EYA3: variants seen among roughly 807,000 people sequenced by gnomAD.
EYA3 encodes the protein protein phosphatase EYA3.
EYA3 carries 39 observed loss-of-function variants against 80.0 expected under a neutral mutation model. The observed-to-expected ratio is 0.49, with a 90% CI of 0.38 to 0.64. EYA3 has a LOEUF of 0.64. Among genes scored for constraint, EYA3 ranks in the 30% least tolerant of loss-of-function variants. The pLI, the probability that EYA3 is intolerant of heterozygous loss-of-function variation, is 0.00. For missense variants in EYA3, 523 were observed against 676.1 expected (o/e 0.77, Z 2.51); for synonymous variants, 206 against 232.8 (o/e 0.88, Z 1.05).
At position 28,013,020 on chromosome 1, in the gene EYA3, A is replaced by C; in HGVS notation, c.769+91T>G. Reference sequence around the variant, plus strand: ...GCCAAAAGCATGGTAACAATGACTTAAGACAGAACAAAATCATCCTTACCA... The same window carrying C: ...GCCAAAAGCATGGTAACAATGACTTCAGACAGAACAAAATCATCCTTACCA... On this transcript the variant is annotated intron_variant, in intron 9 of 17. Coordinates refer to ENST00000373871, the MANE Select transcript of EYA3 (RefSeq NM_001990.4). The surrounding 1 kb of genome is among the most constrained non-coding windows in gnomAD (Gnocchi z 4.0). 3 of 1,373,832 alleles carry C rather than the reference A, an allele frequency of 2.2e-6. No homozygotes were observed. Among genetic ancestry groups the C allele is most frequent in the African/African-American group, 1.4e-5 (1 of 69,574 alleles). 85.1% of individuals were successfully genotyped at this position (1,373,832 alleles called of 1,614,324 possible). A position where few individuals can be genotyped will look rare whatever the true frequency, so the allele number is the denominator to read the frequency against.
At chr1:28,039,039 A>G in intron 4 of EYA3, 134 bp from the exon 5 acceptor site, 1 of 489,786 alleles carries the variant, frequency 2.0e-6, no homozygotes, top group African/African-American at 2.0e-5. Context: ...TAGAAAGACT[A>G]TGTGGTAGAA....
At chr1:27,988,418 G>A in intron 16 of EYA3, 117 bp downstream of exon 16, 1 of 1,131,380 alleles carries the variant, frequency 8.8e-7, no homozygotes, top group Non-Finnish European at 1.2e-6. Context: ...ACTGTTGTGA[G>A]GACTGTAGGT....
intron 1 of EYA3, among the ~76,000 whole-genome samples, chr1:28,059,715 A>ATTTTTTTT (rs1224157714): frequency 8.8e-6 from 1 of 113,614 alleles, no homozygotes. Context: ...CATTTGTTGG[A>ATTTTTTTT]TTTTTTTTTT....
intron 1 of EYA3, among the ~76,000 whole-genome samples, chr1:28,070,501 G>A (rs1397902204): frequency 6.6e-6 from 1 of 152,122 alleles, no homozygotes; most frequent in Admixed American, 6.5e-5. Flanking sequence ...GGCAGAGGTT[G>A]CAGCAAGCCG....
intron 1 of EYA3, among the ~76,000 whole-genome samples, chr1:28,079,963 A>G (rs1645362339): frequency 6.6e-6 from 1 of 152,024 alleles, no homozygotes; most frequent in South Asian, 2.1e-4. Flanking sequence ...CAAAAAGACA[A>G]TATTAGGGGA....
intron 1 of EYA3, among the ~76,000 whole-genome samples, chr1:28,087,372 A>T (rs1645693535): frequency 6.6e-6 from 1 of 152,228 alleles, no homozygotes; most frequent in South Asian, 2.1e-4. Flanking sequence ...AGTTAGAAGA[A>T]TATTCTAAGT....
At chr1:28,007,614 G>A (rs1641385483) in intron 10 of EYA3, among the ~76,000 whole-genome samples, 1 of 152,010 alleles carries the variant, frequency 6.6e-6, no homozygotes, top group African/African-American at 2.4e-5. Context: ...ATTACAGACT[G>A]AGCCACTGCG....
intron 17 of EYA3, among the ~76,000 whole-genome samples, chr1:27,977,855 G>GAAAAAAAAAA (rs1334469197): frequency 3.0e-5 from 2 of 65,602 alleles, no homozygotes; most frequent in Non-Finnish European, 6.7e-5. Flanking sequence ...CTCAAAAACA[G>GAAAAAAAAAA]AAAAAAAAAG....
intron 1 of EYA3, among the ~76,000 whole-genome samples, chr1:28,060,326 T>C (rs1644575432): frequency 2.6e-5 from 4 of 152,146 alleles, no homozygotes; most frequent in Admixed American, 2.6e-4. Context: ...TAATACTACT[T>C]ACAGGTCAAA....
chr1:28,030,275 A>G (rs1333088682), intron 6 of EYA3, among the ~76,000 whole-genome samples: 1 of 152,240 alleles, frequency 6.6e-6, no homozygotes, highest in Non-Finnish European at 1.5e-5. Context: ...TAAAAAGACC[A>G]ACAGTGGGAT....
At chr1:28,053,744 C>T (rs1001735625) in intron 2 of EYA3, among the ~76,000 whole-genome samples, 3 of 152,088 alleles carry the variant, frequency 2.0e-5, no homozygotes, top group Non-Finnish European at 2.9e-5. Context: ...AAAAACAAAG[C>T]GCTATGTAAT....
intron 10 of EYA3, among the ~76,000 whole-genome samples, chr1:28,006,934 C>CT (rs58401673): frequency 0.2 from 18,677 of 91,858 alleles, 2,527 homozygotes; most frequent in Non-Finnish European, 0.23. Context: ...ATGACATAAT[C>CT]TTTTTTTTTT....
chr1:27,988,912 C>T (rs1639843737), intron 15 of EYA3, among the ~76,000 whole-genome samples: 1 of 152,112 alleles, frequency 6.6e-6, no homozygotes, highest in Non-Finnish European at 1.5e-5. Context: ...TGCCTTCTTT[C>T]CCCTCTGACC....
At chr1:28,061,591 G>GTTTTTTTTT (rs61325259) in intron 1 of EYA3, among the ~76,000 whole-genome samples, 1 of 144,946 alleles carries the variant, frequency 6.9e-6, no homozygotes, top group Non-Finnish European at 1.5e-5. Flanking sequence ...AATTTAACGT[G>GTTTTTTTTT]TTTTTTTTTT....
chr1:27,979,242 A>G (rs909398335), intron 16 of EYA3, among the ~76,000 whole-genome samples: 10 of 152,200 alleles, frequency 6.6e-5, no homozygotes, highest in African/African-American at 2.4e-4. Context: ...CTTGTTAGAA[A>G]CAATAACAAA....
At position 28,038,875 on chromosome 1, in the gene EYA3, G is replaced by A. The variant is rs1328713667; in HGVS notation, c.188C>T (p.Ser63Leu). 5.0e-6 allele frequency: 8 copies of A among 1,600,964 alleles called. No individual in the cohort carries two copies. The highest frequency in any genetic ancestry group is 2.2e-5 in the East Asian group (1 of 44,600). ...IMTCTDYIPR[S>L]SNDYTSQMYS... ...CATTTGTGAGGTATAATCATTGGAT[G>A]AGCGAGGGATGTAATCGGTGCATGT... is the stretch of plus-strand genomic sequence containing the variant. Residue 63 changes from serine to leucine, a missense_variant, in exon 5 of 18, where the codon TCA becomes TTA. Ser to Leu is a moderately radical substitution (Grantham distance 145). This residue lies in a region of EYA3 where 304 missense variants were observed against 343.3 expected (regional missense o/e 0.89). Transcript: ENST00000373871.
chr1:28,055,512 C>A (rs1308928081), intron 2 of EYA3, among the ~76,000 whole-genome samples: 2 of 132,398 alleles, frequency 1.5e-5, no homozygotes, highest in African/African-American at 2.9e-5. Context: ...ACTCTGTTGT[C>A]CAGGCTGGAG....
chr1:28,003,306 CAACAACAACAAA>C (rs1167345342), intron 11 of EYA3, among the ~76,000 whole-genome samples: 1 of 150,936 alleles, frequency 6.6e-6, no homozygotes, highest in African/African-American at 2.4e-5. Flanking sequence ...ACAACAACAA[CAACAACAACAAA>C]ATTAGCCAGG....
In EYA3 at chr1:28,084,595, A is replaced by AT. The variant is rs869103612; in HGVS notation, c.-69+3928dup. ...TATATATATATATATATATATATATATTTTTTTTTTTTTTTTTTTTTTTTT... is the reference window on the plus strand; with the variant it reads ...TATATATATATATATATATATATATATTTTTTTTTTTTTTTTTTTTTTTTTT... On this transcript the variant is annotated intron_variant, in intron 1 of 17. Coordinates refer to ENST00000373871, the MANE Select transcript of EYA3 (RefSeq NM_001990.4). Among the ~76,000 whole-genome samples, 27 of 15,226 alleles carry AT rather than the reference A, an allele frequency of 1.8e-3. 4 individuals carry two copies. Among genetic ancestry groups the AT allele is most frequent in the South Asian group, 3.4e-3 (1 of 294 alleles). 10.0% of individuals were successfully genotyped at this position (15,226 alleles called of 152,430 possible). A position where few individuals can be genotyped will look rare whatever the true frequency, so the allele number is the denominator to read the frequency against.
Sources: gnomAD v4.1 joint callset for allele counts (sites outside exome capture counted in the v4.1 genomes callset) on GRCh38, gnomAD v4.1.1 for gene constraint, gnomAD v4.1.1 regional missense constraint, Gnocchi (gnomAD v3.1) non-coding constraint, MANE v1.5 for transcripts, NCBI Gene and HGNC (gene_info 2026-07-23, HGNC 2026-07-21) for gene names.